Variants in CDKAL1 observed in about 807,000 individuals in gnomAD.
CDKAL1 encodes CDKAL1 threonylcarbamoyladenosine tRNA methylthiotransferase, also known as threonylcarbamoyladenosine tRNA methylthiotransferase.
Under a neutral mutation model 68.2 loss-of-function variants are expected in CDKAL1, and 32 were observed. The ratio of observed to expected loss-of-function variants is 0.47; its 90% CI spans 0.35 to 0.63. The LOEUF is 0.63. Among genes scored for constraint, CDKAL1 ranks in the 30% least tolerant of loss-of-function variants. CDKAL1 has a pLI of 0.00. For synonymous variants in CDKAL1, 234 were observed against 244.3 expected (o/e 0.96, Z 0.39); for missense variants, 606 against 696.7 (o/e 0.87, Z 1.47).
chr6:21,122,458 T>A (rs1439435937), intron 13 of CDKAL1, among the ~76,000 whole-genome samples: 1 of 152,144 alleles, frequency 6.6e-6, no homozygotes, highest in Non-Finnish European at 1.5e-5. Context: ...TCCTTTATGC[T>A]TTTCTCTTTG....
intron 4 of CDKAL1, among the ~76,000 whole-genome samples, chr6:20,597,035 C>T (rs1449881102): frequency 7.2e-5 from 11 of 152,342 alleles, no homozygotes; most frequent in South Asian, 6.2e-4. Flanking sequence ...AGAAATCACC[C>T]GCCTTCTGTG....
chr6:20,924,779 A>G (rs1204672893), intron 9 of CDKAL1, among the ~76,000 whole-genome samples: 1 of 152,242 alleles, frequency 6.6e-6, no homozygotes. Flanking sequence ...TGATGAAGAA[A>G]TTGCAGCAAT....
At chr6:20,930,257 TA>T (rs5874794) in intron 9 of CDKAL1, among the ~76,000 whole-genome samples, 131,633 of 150,334 alleles carry the variant, frequency 0.88, 57,748 homozygotes, top group East Asian at 0.99. Flanking sequence ...AAACGTGAAT[TA>T]AAAAAAAAAA....
intron 4 of CDKAL1, among the ~76,000 whole-genome samples, chr6:20,598,203 T>C (rs1029127938): frequency 6.6e-6 from 1 of 152,240 alleles, no homozygotes; most frequent in Non-Finnish European, 1.5e-5. Context: ...AGAAGTACTG[T>C]AAGAAACCTG....
intron 10 of CDKAL1, among the ~76,000 whole-genome samples, chr6:20,967,776 C>A (rs896009588): frequency 7.9e-5 from 12 of 152,184 alleles, no homozygotes; most frequent in Non-Finnish European, 1.5e-4. Context: ...TTTAGCATTT[C>A]TTGAGAGGCA....
chr6:20,620,067 A>G (rs984644598), intron 4 of CDKAL1, among the ~76,000 whole-genome samples: 1 of 152,212 alleles, frequency 6.6e-6, no homozygotes, highest in Non-Finnish European at 1.5e-5. Context: ...AGAATTTCTC[A>G]GTTTTCTTCC....
At chr6:20,547,979 T>G (rs571590158) in intron 3 of CDKAL1, among the ~76,000 whole-genome samples, 83 of 152,330 alleles carry the variant, frequency 5.4e-4, no homozygotes, top group African/African-American at 1.9e-3. Flanking sequence ...GTTATTTTTG[T>G]GTACCTTTCC....
At chr6:21,176,939 C>G (rs1777608942) in intron 13 of CDKAL1, among the ~76,000 whole-genome samples, 1 of 151,976 alleles carries the variant, frequency 6.6e-6, no homozygotes, top group Non-Finnish European at 1.5e-5. Context: ...CCTCATGATC[C>G]ACCCGCCTCA....
intron 10 of CDKAL1, among the ~76,000 whole-genome samples, chr6:20,970,044 A>T (rs2150752471): frequency 6.6e-6 from 1 of 152,140 alleles, no homozygotes; most frequent in African/African-American, 2.4e-5. Context: ...ATTTTTGACA[A>T]ATGTCTTTGG....
chr6:20,579,543 A>G (rs36119371), intron 4 of CDKAL1, among the ~76,000 whole-genome samples: 10,469 of 152,226 alleles, frequency 0.069, 518 homozygotes, highest in African/African-American at 0.14. Flanking sequence ...TTAATTCTCA[A>G]AACTCTGTGA....
chr6:20,794,796 C>T (rs936795933), intron 8 of CDKAL1, among the ~76,000 whole-genome samples: 4 of 152,060 alleles, frequency 2.6e-5, no homozygotes, highest in African/African-American at 9.7e-5. Flanking sequence ...AGGTGATACA[C>T]CTTCATCTTT....
chr6:20,587,003 T>TTTTTTA (rs1765392729), intron 4 of CDKAL1, among the ~76,000 whole-genome samples: 1 of 147,830 alleles, frequency 6.8e-6, no homozygotes, highest in African/African-American at 2.5e-5. Context: ...TTTTTTTTTT[T>TTTTTTA]GAGACGGAGT....
intron 7 of CDKAL1, among the ~76,000 whole-genome samples, chr6:20,759,614 A>G (rs1021963525): frequency 1.3e-5 from 2 of 152,216 alleles, no homozygotes; most frequent in Admixed American, 6.5e-5. Context: ...TTGTTTTGTA[A>G]GTACTTTTAA....
At chr6:20,659,491 A>G (rs944590011) in intron 5 of CDKAL1, among the ~76,000 whole-genome samples, 4 of 152,188 alleles carry the variant, frequency 2.6e-5, no homozygotes, top group Non-Finnish European at 5.9e-5. Flanking sequence ...ATTAGACTGA[A>G]TTAATTAGTA....
At chr6:20,681,527 T>C (rs1307060933) in intron 5 of CDKAL1, among the ~76,000 whole-genome samples, 1 of 152,242 alleles carries the variant, frequency 6.6e-6, no homozygotes. Context: ...AAAGACAGTG[T>C]GACTGTTATC....
At chr6:20,689,582 T>A (rs1206754914) in intron 5 of CDKAL1, among the ~76,000 whole-genome samples, 1 of 152,218 alleles carries the variant, frequency 6.6e-6, no homozygotes, top group Non-Finnish European at 1.5e-5. Context: ...ACTGGAAACC[T>A]GAAGTCCCCA....
chr6:20,693,203 C>T (rs1332392103), intron 5 of CDKAL1, among the ~76,000 whole-genome samples: 2 of 149,518 alleles, frequency 1.3e-5, no homozygotes, highest in Admixed American at 6.7e-5. Flanking sequence ...TCTCAGCTCT[C>T]TCTGTGGTGG....
At chr6:20,709,176 G>A (rs1254908024) in intron 5 of CDKAL1, among the ~76,000 whole-genome samples, 1 of 152,020 alleles carries the variant, frequency 6.6e-6, no homozygotes, top group Non-Finnish European at 1.5e-5. Context: ...TCCCAAATTA[G>A]ATATTATTTA....
At chr6:20,845,275 G>A (rs1481008101) in intron 8 of CDKAL1, among the ~76,000 whole-genome samples, 1 of 152,074 alleles carries the variant, frequency 6.6e-6, no homozygotes, top group Non-Finnish European at 1.5e-5. Flanking sequence ...ATGTTATTGA[G>A]TCTTATCTTT....
Sources: gnomAD v4.1 joint callset for allele counts (sites outside exome capture counted in the v4.1 genomes callset) on GRCh38, gnomAD v4.1.1 for gene constraint, MANE v1.5 for transcripts, NCBI Gene and HGNC (gene_info 2026-07-23, HGNC 2026-07-21) for gene names.